Variants in COA1 observed in about 807,000 individuals in gnomAD.
COA1 encodes cytochrome c oxidase assembly factor 1 homolog.
COA1 carries 13 observed loss-of-function variants against 16.0 expected under a neutral mutation model. The observed-to-expected ratio is 0.81, with a 90% CI of 0.53 to 1.29. The LOEUF (loss-of-function observed/expected upper bound fraction) is 1.29, where lower values mean the gene tolerates loss of function less well. Among genes scored for constraint, COA1 ranks in the 50% most tolerant of loss-of-function variants. The pLI, the probability that COA1 is intolerant of heterozygous loss-of-function variation, is 0.00. For synonymous variants in COA1, 65 were observed against 65.7 expected (o/e 0.99, Z 0.05); for missense variants, 179 against 177.0 (o/e 1.01, Z -0.06).
At chr7:43,717,058 G>A (rs553817162) in intron 1 of COA1, among the ~76,000 whole-genome samples, 13 of 152,208 alleles carry the variant, frequency 8.5e-5, no homozygotes, top group South Asian at 4.1e-4. Context: ...AGTCTGCTGC[G>A]GGGTGGGGCC....
chr7:43,712,125 T>C (rs971750845), intron 1 of COA1, among the ~76,000 whole-genome samples: 2 of 152,132 alleles, frequency 1.3e-5, no homozygotes, highest in Admixed American at 6.5e-5. Flanking sequence ...AGAAACTTTT[T>C]TTTTTGAGAC....
At chr7:43,695,977 A>C (rs1385439440) in intron 1 of COA1, among the ~76,000 whole-genome samples, 5 of 152,324 alleles carry the variant, frequency 3.3e-5, no homozygotes, top group Admixed American at 2.0e-4. Context: ...GGAATGGGCA[A>C]ATTTACAAAA....
chr7:43,620,914 G>A (rs2083821187), intron 6 of COA1, among the ~76,000 whole-genome samples: 1 of 152,132 alleles, frequency 6.6e-6, no homozygotes, highest in African/African-American at 2.4e-5. Context: ...CTGGGCCTGA[G>A]GGAAGACTCT....
At chr7:43,703,476 A>G (rs868503503) in intron 1 of COA1, among the ~76,000 whole-genome samples, 10 of 152,168 alleles carry the variant, frequency 6.6e-5, no homozygotes, top group Non-Finnish European at 7.3e-5. Flanking sequence ...GTTTCTTTGC[A>G]GGTCTCTAAG....
chr7:43,613,624 C>T (rs2083076116), intron 6 of COA1, among the ~76,000 whole-genome samples: 2 of 152,142 alleles, frequency 1.3e-5, no homozygotes, highest in Admixed American at 6.5e-5. Flanking sequence ...AGAAGGACCA[C>T]ATGAGCCCAG....
At chr7:43,705,906 T>C (rs1460307949) in intron 1 of COA1, among the ~76,000 whole-genome samples, 1 of 152,174 alleles carries the variant, frequency 6.6e-6, no homozygotes, top group Non-Finnish European at 1.5e-5. Context: ...ACCGTGGTGC[T>C]TGGCAACCCT....
chr7:43,716,900 G>A (rs1393426227), intron 1 of COA1, among the ~76,000 whole-genome samples: 1 of 152,190 alleles, frequency 6.6e-6, no homozygotes, highest in African/African-American at 2.4e-5. Flanking sequence ...GCAGAGCTTG[G>A]GTTGTGGCTT....
intron 1 of COA1, among the ~76,000 whole-genome samples, chr7:43,674,565 G>T (rs935697644): frequency 6.6e-6 from 1 of 152,214 alleles, no homozygotes; most frequent in African/African-American, 2.4e-5. Flanking sequence ...TGATATTACT[G>T]TGGGCAATGT....
At chr7:43,687,230 T>G (rs975824104) in intron 1 of COA1, among the ~76,000 whole-genome samples, 1 of 152,226 alleles carries the variant, frequency 6.6e-6, no homozygotes, top group African/African-American at 2.4e-5. Flanking sequence ...CATGGTTCAT[T>G]CATATTCCAA....
At position 43,623,824 on chromosome 7, in the gene COA1, G is replaced by C. The variant is rs3779062; in HGVS notation, c.*134-14329C>G. On this transcript the variant is annotated intron_variant and NMD_transcript_variant, in intron 6 of 6. Coordinates refer to the COA1 transcript ENST00000415076. Reference sequence around the variant, plus strand: ...GATGAATTTAAGTTATTCTGAGGAAGAATTTGATGTTTTGTCTGAGTCGGC... The same window carrying C: ...GATGAATTTAAGTTATTCTGAGGAACAATTTGATGTTTTGTCTGAGTCGGC... The C allele has an allele frequency of 1.3e-3, 2,004 of 1,601,890 alleles. 36 individuals are homozygous for C. The East Asian group carries it at 0.041, about 32-fold the overall frequency.
intron 5 of COA1, 106 bp downstream of exon 5, chr7:43,640,467 T>G (rs990050199): frequency 1.2e-6 from 1 of 844,072 alleles, no homozygotes; most frequent in African/African-American, 1.7e-5. Context: ...AAAATAATTC[T>G]TCCTATGCCC....
intron 4 of COA1, among the ~76,000 whole-genome samples, chr7:43,642,653 A>G (rs904723574): frequency 1.3e-5 from 2 of 152,198 alleles, no homozygotes; most frequent in African/African-American, 2.4e-5. Flanking sequence ...TGAGGGGCCA[A>G]TGTCTGAACT....
intron 1 of COA1, among the ~76,000 whole-genome samples, chr7:43,695,400 G>C (rs778879361): frequency 6.6e-6 from 1 of 151,972 alleles, no homozygotes; most frequent in East Asian, 1.9e-4. Context: ...GTCTTATTTG[G>C]TATTCTCTCT....
chr7:43,727,267 G>A (rs760459562), intron 1 of COA1, among the ~76,000 whole-genome samples: 11 of 152,306 alleles, frequency 7.2e-5, no homozygotes, highest in South Asian at 2.1e-4. Context: ...CTACTGGTGC[G>A]AATGTTAAAA....
chr7:43,671,029 A>T (rs2093227071), intron 1 of COA1, among the ~76,000 whole-genome samples: 1 of 152,252 alleles, frequency 6.6e-6, no homozygotes, highest in African/African-American at 2.4e-5. Context: ...ATAGAGAAAG[A>T]ATGAATAGTC....
At position 43,708,033 on chromosome 7, in the gene COA1, G is replaced by A. The variant is rs992163026; in HGVS notation, c.-39+21396C>T. 9.2e-5 allele frequency among the ~76,000 whole-genome samples: 14 copies of A among 152,062 alleles called. No homozygotes were observed. In the South Asian group the frequency reaches 1.0e-3, roughly 11 times the overall value. On this transcript the variant is annotated intron_variant, in intron 1 of 5. Transcript: ENST00000223336. The stretch of plus-strand genomic sequence containing the variant: ...AGCCTGACCAACATGGTGAAACCCC[G>A]TCTCTACTAAAAATACAAAAATTAG...
intron 3 of COA1, chr7:43,646,367 A>C (rs2089295758): frequency 2.9e-6 from 1 of 349,534 alleles, no homozygotes; most frequent in Non-Finnish European, 5.8e-6. Context: ...CACATCTCAC[A>C]ATGTTCAACA....
chr7:43,691,313 GAAAGAAAGAAAGAA>G (rs1563382163), intron 1 of COA1, among the ~76,000 whole-genome samples: 19 of 99,790 alleles, frequency 1.9e-4, no homozygotes, highest in Middle Eastern at 4.8e-3. Context: ...AAGAAAGAAA[GAAAGAAAGAAAGAA>G]AGAGAAAGAG....
At chr7:43,630,545 G>A (rs549297972) in intron 6 of COA1, among the ~76,000 whole-genome samples, 8 of 152,244 alleles carry the variant, frequency 5.3e-5, no homozygotes, top group African/African-American at 1.9e-4. Flanking sequence ...TTATTCAGGT[G>A]AGGAGGACTG....
Sources: allele counts gnomAD v4.1 joint callset (sites outside exome capture counted in the v4.1 genomes callset), GRCh38; gene constraint gnomAD v4.1.1; transcripts MANE v1.5; gene names NCBI Gene and HGNC (gene_info 2026-07-23, HGNC 2026-07-21).